The following KLF12 variants were observed in gnomAD, a reference collection of about 807,000 sequenced individuals.
KLF12 encodes Krueppel-like factor 12.
A neutral mutation model predicts 37.8 loss-of-function variants in KLF12; 9 were observed. That is an observed-to-expected ratio of 0.24 (90% confidence interval 0.14 to 0.42). The LOEUF (loss-of-function observed/expected upper bound fraction) is 0.42. Ranked by LOEUF, KLF12 falls within the 10% of genes least tolerant of loss-of-function variation. The pLI, the probability that KLF12 is intolerant of heterozygous loss-of-function variation, is 1.00. For missense variants in KLF12, 411 were observed against 516.0 expected, an observed-to-expected ratio of 0.80 and a Z score of 1.97; for synonymous variants, 208 against 202.1, an observed-to-expected ratio of 1.03 and a Z score of -0.25.
chr13:74,294,299 C>A, the KLF12 span, among the ~76,000 whole-genome samples: 8 of 152,106 alleles, frequency 5.3e-5, no homozygotes, highest in Non-Finnish European at 1.2e-4. Flanking sequence ...GTACATCGGA[C>A]CCATTAAGTG....
the KLF12 span, among the ~76,000 whole-genome samples, chr13:74,189,097 CA>C: frequency 6.6e-6 from 1 of 152,136 alleles, no homozygotes; most frequent in African/African-American, 2.4e-5. Context: ...TGCAAATATG[CA>C]AAATGACACT....
At chr13:74,267,788 G>T in the KLF12 span, among the ~76,000 whole-genome samples, 25 of 152,246 alleles carry the variant, frequency 1.6e-4, no homozygotes, top group African/African-American at 5.5e-4. Context: ...TACCCCAATT[G>T]CCCTGATTTG....
At chr13:74,216,762 T>C in the KLF12 span, among the ~76,000 whole-genome samples, 2 of 143,480 alleles carry the variant, frequency 1.4e-5, no homozygotes, top group Admixed American at 6.8e-5. Context: ...GGAATCTATG[T>C]TCACCCTAAT....
the KLF12 span, among the ~76,000 whole-genome samples, chr13:74,213,263 C>G: frequency 1.3e-5 from 2 of 150,922 alleles, no homozygotes; most frequent in South Asian, 4.2e-4. Flanking sequence ...TTTTATTTTT[C>G]TAGTCGGTGG....
chr13:74,213,200 CT>C, the KLF12 span, among the ~76,000 whole-genome samples: 5 of 150,860 alleles, frequency 3.3e-5, no homozygotes, highest in South Asian at 4.2e-4. Context: ...ACTAAAACAT[CT>C]TTTTTTTTCA....
chr13:74,193,153 G>A, the KLF12 span, among the ~76,000 whole-genome samples: 1 of 151,640 alleles, frequency 6.6e-6, no homozygotes, highest in Non-Finnish European at 1.5e-5. Context: ...TAATTTTTGT[G>A]TTTTTAGTAG....
the KLF12 span, among the ~76,000 whole-genome samples, chr13:74,252,387 C>G: frequency 6.6e-6 from 1 of 152,202 alleles, no homozygotes; most frequent in Admixed American, 6.5e-5. Context: ...AGGTATACCT[C>G]TTTCCTGCTG....
chr13:73,938,384 G>A (rs1301498782), intron 3 of KLF12, among the ~76,000 whole-genome samples: 1 of 152,090 alleles, frequency 6.6e-6, no homozygotes, highest in Non-Finnish European at 1.5e-5. Context: ...CACATTTCCA[G>A]GTTCAGCTAC....
chr13:73,745,598 C>T (rs111730164), intron 6 of KLF12, among the ~76,000 whole-genome samples: 2,836 of 152,090 alleles, frequency 0.019, 73 homozygotes, highest in African/African-American at 0.061. Context: ...TTTCACACAC[C>T]AGGTCAAAAT....
chr13:74,244,852 C>T, the KLF12 span, among the ~76,000 whole-genome samples: 1 of 152,202 alleles, frequency 6.6e-6, no homozygotes, highest in Non-Finnish European at 1.5e-5. Context: ...ACCAGGCCTC[C>T]TGAGCAATGT....
chr13:74,243,393 T>G, the KLF12 span, among the ~76,000 whole-genome samples: 3 of 152,206 alleles, frequency 2.0e-5, no homozygotes, highest in African/African-American at 4.8e-5. Flanking sequence ...TTTGCTATTG[T>G]GAATAGTGCT....
chr13:73,892,206 T>C lies in KLF12; in HGVS notation c.124-45833A>G, dbSNP rs532783121. On this transcript the variant is annotated intron_variant, in intron 3 of 7. Transcript: ENST00000377669. ...ATCATCAGAAATCTCTCCTGAACTA[T>C]TGTATAATCTGAATGGTACTCTGGA... is the stretch of plus-strand genomic sequence containing the variant. 1.8e-4 allele frequency among the ~76,000 whole-genome samples: 28 copies of C among 152,196 alleles called. 2 individuals are homozygous for C. Among genetic ancestry groups the C allele is most frequent in the African/African-American group, 5.1e-4 (21 of 41,556 alleles).
chr13:74,250,707 A>C, the KLF12 span, among the ~76,000 whole-genome samples: 1 of 152,192 alleles, frequency 6.6e-6, no homozygotes, highest in Non-Finnish European at 1.5e-5. Flanking sequence ...CTTCAAAAAA[A>C]GATCAAGGCT....
At chr13:73,841,134 G>A (rs1884713225) in intron 4 of KLF12, among the ~76,000 whole-genome samples, 1 of 152,148 alleles carries the variant, frequency 6.6e-6, no homozygotes, top group African/African-American at 2.4e-5. Flanking sequence ...CTGACAGTAG[G>A]GACTTGCTCA....
At chr13:74,073,171 T>C (rs1874376371) in intron 1 of KLF12, among the ~76,000 whole-genome samples, 1 of 152,238 alleles carries the variant, frequency 6.6e-6, no homozygotes, top group Admixed American at 6.5e-5. Flanking sequence ...ACTAAACCTC[T>C]TTTTCTTTAC....
the KLF12 span, among the ~76,000 whole-genome samples, chr13:74,285,180 A>G: frequency 2.1e-5 from 3 of 144,898 alleles, no homozygotes; most frequent in Non-Finnish European, 4.6e-5. Context: ...GCCCTACCTG[A>G]TTTTTTTTTT....
chr13:74,072,516 T>C (rs1021107988), intron 1 of KLF12, among the ~76,000 whole-genome samples: 1 of 151,072 alleles, frequency 6.6e-6, no homozygotes, highest in Non-Finnish European at 1.5e-5. Context: ...GGCAGGAGGA[T>C]TGCTTGAGGC....
At chr13:74,113,213 A>T (rs1877086150) in intron 1 of KLF12, among the ~76,000 whole-genome samples, 1 of 152,210 alleles carries the variant, frequency 6.6e-6, no homozygotes, top group South Asian at 2.1e-4. Flanking sequence ...GCTGATGGGG[A>T]AGCTGCAACA....
intron 3 of KLF12, among the ~76,000 whole-genome samples, chr13:73,867,458 A>T (rs1886233363): frequency 6.6e-6 from 1 of 151,988 alleles, no homozygotes; most frequent in African/African-American, 2.4e-5. Flanking sequence ...TATATATGTC[A>T]ATTTATAAAA....
Sources: gnomAD v4.1 joint callset for allele counts (sites outside exome capture counted in the v4.1 genomes callset) on GRCh38, gnomAD v4.1.1 for gene constraint, MANE v1.5 for transcripts, NCBI Gene and HGNC (gene_info 2026-07-23, HGNC 2026-07-21) for gene names.